The following REV3L variants were observed in gnomAD, a reference collection of about 807,000 sequenced individuals.
The protein encoded by REV3L is DNA polymerase zeta catalytic subunit.
A neutral mutation model predicts 299.4 loss-of-function variants in REV3L; 69 were observed. The observed-to-expected ratio is 0.23, with a 90% CI of 0.19 to 0.28. The LOEUF is 0.28. REV3L is among the 10% of genes least tolerant of loss of function. REV3L has a pLI of 1.00. For missense variants in REV3L, 3,128 were observed against 3,693.8 expected, an observed-to-expected ratio of 0.85 and a Z score of 3.97; for synonymous variants, 1,238 against 1,271.4, an observed-to-expected ratio of 0.97 and a Z score of 0.56.
chr6:111,429,286 T>C (rs905388536), intron 1 of REV3L, among the ~76,000 whole-genome samples: 2 of 152,076 alleles, frequency 1.3e-5, no homozygotes, highest in African/African-American at 2.4e-5. Context: ...AGTGCTAGGA[T>C]TATAGGTGTG....
intron 2 of REV3L, 132 bp downstream of exon 2, chr6:111,416,151 T>C (rs1784747248): frequency 1.8e-6 from 1 of 549,496 alleles, no homozygotes; most frequent in Non-Finnish European, 2.8e-6. Flanking sequence ...GTTAAAAAGT[T>C]ACAGCAAGGA....
At chr6:111,450,493 A>C (rs1014054987) in intron 1 of REV3L, among the ~76,000 whole-genome samples, 9 of 150,678 alleles carry the variant, frequency 6.0e-5, no homozygotes, top group African/African-American at 1.5e-4. Flanking sequence ...AAAAAAAAAA[A>C]AAAAAAAAAA....
intron 1 of REV3L, among the ~76,000 whole-genome samples, chr6:111,478,670 T>C (rs1287504036): frequency 6.6e-6 from 1 of 151,878 alleles, no homozygotes; most frequent in Non-Finnish European, 1.5e-5. Flanking sequence ...TTCTTATATT[T>C]AATTTTATAA....
rs78140116 is a variant in REV3L, at chr6:111,452,904, T to G, written c.139+29846A>C. ...ACACCTGACAGAAAATAGCAATAGGTAGGAAAGTAAAAATGTGGAAATCAC... is the reference window on the plus strand; with the variant it reads ...ACACCTGACAGAAAATAGCAATAGGGAGGAAAGTAAAAATGTGGAAATCAC... On this transcript the variant is annotated intron_variant, in intron 1 of 31. Transcript: ENST00000368802. Among the ~76,000 whole-genome samples, 358 of 152,104 alleles carry G rather than the reference T, an allele frequency of 2.4e-3. 2 individuals carry two copies. Among genetic ancestry groups the G allele is most frequent in the East Asian group, 0.021 (108 of 5,184 alleles).
rs1780453139 is a variant in REV3L at position 111,377,734 on chromosome 6, G to A, written c.1564C>T (p.Pro522Ser). 5 of 1,613,702 alleles carry A rather than the reference G, an allele frequency of 3.1e-6. No individual in the cohort carries two copies. In the East Asian group the frequency reaches 1.1e-4, roughly 36 times the overall value. The change falls in exon 12 of 32, where the codon CCT becomes TCT. Residue 522 changes from proline (P) to serine (S), a missense_variant. Around this residue, in one of 9 missense-constraint regions of REV3L, gnomAD observed 2,409 missense variants for 2,611.8 expected, o/e 0.92. Coordinates refer to ENST00000368802, the MANE Select transcript of REV3L (RefSeq NM_001372078.1). The stretch of plus-strand genomic sequence containing the variant: ...TCATCTGCAGTTCCATCTAACTGAG[G>A]TATAGAAAGACTGGCTAGAAGCAAA... ...NSLLLASLSI[P>S]QLDGTADENS...
intron 21 of REV3L, among the ~76,000 whole-genome samples, chr6:111,343,092 T>A (rs951693999): frequency 6.6e-6 from 1 of 152,222 alleles, no homozygotes; most frequent in African/African-American, 2.4e-5. Flanking sequence ...CTAAGAGATA[T>A]GAAAATGTAT....
intron 10 of REV3L, among the ~76,000 whole-genome samples, chr6:111,380,814 C>T (rs1780757546): frequency 6.6e-6 from 1 of 152,208 alleles, no homozygotes; most frequent in Non-Finnish European, 1.5e-5. Context: ...GCACTGTCAG[C>T]CCCTAGTTGG....
intron 1 of REV3L, among the ~76,000 whole-genome samples, chr6:111,425,756 T>C (rs1383077259): frequency 6.6e-6 from 1 of 152,012 alleles, no homozygotes; most frequent in Non-Finnish European, 1.5e-5. Context: ...AAGCCAGCTA[T>C]TTCAAAAAAC....
In REV3L at chr6:111,375,510, T is replaced by G. The variant is rs777272719; in HGVS notation, c.2845A>C (p.Met949Leu). ...CCATCTAAACTTTCACCAATTTCCA[T>G]GGGATGAGGTAGACTAATTTTTGAG... Reference protein sequence around the residue: ...HNSKISLPHPMEIGESLDGTL... With the variant: ...HNSKISLPHPLEIGESLDGTL... Residue 949 changes from methionine to leucine, a missense_variant, in exon 13 of 32, where the codon ATG becomes CTG. Transcript: ENST00000368802. The G allele has an allele frequency of 6.2e-7, 1 of 1,605,868 alleles. No homozygotes were observed. Among genetic ancestry groups the G allele is most frequent in the South Asian group, 1.1e-5 (1 of 88,688 alleles).
intron 1 of REV3L, among the ~76,000 whole-genome samples, chr6:111,433,336 T>A (rs926654374): frequency 6.7e-6 from 1 of 150,152 alleles, no homozygotes; most frequent in African/African-American, 2.5e-5. Context: ...TCCAAACAAA[T>A]AAAACCAGAA....
chr6:111,386,281 AAC>A lies in REV3L; in HGVS notation c.1096+1482_1096+1483del, dbSNP rs1342910200. On this transcript the variant is annotated intron_variant, in intron 9 of 31. Transcript: ENST00000368802. Reference sequence around the variant, plus strand: ...ACATTGTTGTTTAGTCTTAAAATGGAACAGTCATCAGCAGCTAAAATGAATGA... The same window carrying A: ...ACATTGTTGTTTAGTCTTAAAATGGAAGTCATCAGCAGCTAAAATGAATGA... Among the ~76,000 whole-genome samples the A allele has an allele frequency of 2.0e-4, 30 of 152,326 alleles. 1 individual carries two copies. The highest frequency in any genetic ancestry group is 1.5e-5 in the Non-Finnish European group (1 of 68,022).
Position 111,482,747 on chromosome 6 carries a change from T to C in REV3L, c.139+3A>G. 7.1e-7 allele frequency: 1 copy of C among 1,402,136 alleles called. No homozygotes were observed. The highest frequency in any genetic ancestry group is 9.3e-7 in the Non-Finnish European group (1 of 1,070,818). The allele number at this position is 1,402,136 out of a possible 1,614,324, so 86.9% of individuals were successfully genotyped here. On this transcript the variant is annotated splice_donor_region_variant and intron_variant, in intron 1 of 31. Coordinates refer to ENST00000368802, the MANE Select transcript of REV3L (RefSeq NM_001372078.1). ...TCCCGCCCCGCGCCCGGCGCCCGCT[T>C]ACCTGCCGGGGTCGCTCCGAAGACT...
intron 1 of REV3L, among the ~76,000 whole-genome samples, chr6:111,450,148 G>A (rs994666873): frequency 1.3e-5 from 2 of 152,002 alleles, no homozygotes; most frequent in South Asian, 2.1e-4. Flanking sequence ...CATAGAAACC[G>A]TCCAAAATGA....
intron 1 of REV3L, among the ~76,000 whole-genome samples, chr6:111,443,468 CTTCCT>C (rs1788507703): frequency 6.6e-6 from 1 of 152,162 alleles, no homozygotes; most frequent in Non-Finnish European, 1.5e-5. Context: ...ATTTTATTGT[CTTCCT>C]TTCAAGAAAG....
chr6:111,369,733 CAG>C (rs1222917058), intron 13 of REV3L, among the ~76,000 whole-genome samples: 14 of 151,968 alleles, frequency 9.2e-5, no homozygotes, highest in African/African-American at 3.4e-4. Flanking sequence ...AAAAAGAAAA[CAG>C]AATACACATC....
intron 31 of REV3L, among the ~76,000 whole-genome samples, chr6:111,301,661 ACTT>A (rs1771543685): frequency 6.6e-6 from 1 of 152,190 alleles, no homozygotes; most frequent in African/African-American, 2.4e-5. Context: ...AAGAATCTGT[ACTT>A]CTTAAGGCTT....
At chr6:111,317,713 C>T (rs1773688144) in intron 26 of REV3L, among the ~76,000 whole-genome samples, 1 of 152,024 alleles carries the variant, frequency 6.6e-6, no homozygotes, top group Admixed American at 6.6e-5. Flanking sequence ...GCCTGTAATC[C>T]CAGCAACTCT....
intron 25 of REV3L, among the ~76,000 whole-genome samples, chr6:111,325,626 G>A (rs529471355): frequency 7.9e-5 from 12 of 152,176 alleles, no homozygotes; most frequent in Admixed American, 1.3e-4. Flanking sequence ...TTTGCCTCCC[G>A]CTTTTAAAAG....
chr6:111,411,643 C>A, intron 2 of REV3L, 89 bp from the exon 3 acceptor site: 3 of 842,862 alleles, frequency 3.6e-6, no homozygotes, highest in South Asian at 1.7e-5. Flanking sequence ...TTCAGCTGGC[C>A]AAATTCAGTC....
Sources: allele counts gnomAD v4.1 joint callset (sites outside exome capture counted in the v4.1 genomes callset), GRCh38; gene constraint gnomAD v4.1.1; regional missense constraint gnomAD v4.1.1; transcripts MANE v1.5; gene names NCBI Gene and HGNC (gene_info 2026-07-23, HGNC 2026-07-21).